GLIS3: variants seen among roughly 807,000 people sequenced by gnomAD.
The protein encoded by GLIS3 is GLIS family zinc finger 3, also known as zinc finger protein GLIS3.
Under a neutral mutation model 78.6 loss-of-function variants are expected in GLIS3, and 53 were observed. The observed-to-expected ratio is 0.67, with a 90% CI of 0.54 to 0.85. The LOEUF (loss-of-function observed/expected upper bound fraction) is 0.85. Ranked by LOEUF, GLIS3 falls within the 40% of genes least tolerant of loss-of-function variation. The pLI is 0.00. For missense variants in GLIS3, 1,703 were observed against 1,231.1 expected, an observed-to-expected ratio of 1.38 and a Z score of -5.74; for synonymous variants, 684 against 509.9, an observed-to-expected ratio of 1.34 and a Z score of -4.60.
chr9:4,466,721 C>T, the GLIS3 span, among the ~76,000 whole-genome samples: 9 of 152,236 alleles, frequency 5.9e-5, no homozygotes, highest in East Asian at 3.9e-4. Context: ...GCGTGAGCGA[C>T]GCAGAAGATG....
At chr9:4,390,893 G>A in the GLIS3 span, among the ~76,000 whole-genome samples, 5 of 152,306 alleles carry the variant, frequency 3.3e-5, no homozygotes, top group South Asian at 1.0e-3. Context: ...AACAGGAATC[G>A]TACCTTTTTA....
chr9:4,405,258 G>A, the GLIS3 span, among the ~76,000 whole-genome samples: 1 of 152,040 alleles, frequency 6.6e-6, no homozygotes, highest in Non-Finnish European at 1.5e-5. Context: ...GGAGGCTGAG[G>A]CAGGAGAATC....
rs1393251745 is a variant in GLIS3, at chr9:3,879,612, A to G, written c.2129-17T>C. The G allele has an allele frequency of 1.2e-6, 2 of 1,613,788 alleles. No individual in the cohort carries two copies. The highest frequency in any genetic ancestry group is 2.2e-5 in the South Asian group (2 of 91,044). Reference sequence around the variant, plus strand: ...AAATGGGAGCTGAAATCAAGGGAGAACAAACATGAGACCGTGCCCCAAAGG... The same window carrying G: ...AAATGGGAGCTGAAATCAAGGGAGAGCAAACATGAGACCGTGCCCCAAAGG... On this transcript the variant is annotated splice_polypyrimidine_tract_variant and intron_variant, in intron 7 of 10. Coordinates refer to ENST00000381971, the MANE Select transcript of GLIS3 (RefSeq NM_001042413.2).
At chr9:3,905,520 T>G (rs955010151) in intron 6 of GLIS3, among the ~76,000 whole-genome samples, 2 of 152,118 alleles carry the variant, frequency 1.3e-5, no homozygotes, top group Non-Finnish European at 2.9e-5. Flanking sequence ...CCCTGCAGGT[T>G]TGTCACTTGG....
At chr9:3,999,177 T>A (rs977657260) in intron 4 of GLIS3, among the ~76,000 whole-genome samples, 1 of 152,162 alleles carries the variant, frequency 6.6e-6, no homozygotes, top group African/African-American at 2.4e-5. Context: ...ATTGAACCAA[T>A]CTCTATAGTC....
intron 2 of GLIS3, among the ~76,000 whole-genome samples, chr9:4,259,661 A>G (rs1825325082): frequency 6.6e-6 from 1 of 152,194 alleles, no homozygotes; most frequent in South Asian, 2.1e-4. Context: ...AGTAACCCAA[A>G]TAACACAAGA....
At chr9:3,907,482 G>GC (rs756547135) in intron 6 of GLIS3, among the ~76,000 whole-genome samples, 3 of 152,052 alleles carry the variant, frequency 2.0e-5, no homozygotes, top group African/African-American at 7.2e-5. Flanking sequence ...AACTACTGAT[G>GC]CCCCACCCAG....
chr9:4,161,796 C>A (rs1225355289), intron 2 of GLIS3, among the ~76,000 whole-genome samples: 1 of 150,852 alleles, frequency 6.6e-6, no homozygotes, highest in East Asian at 1.9e-4. Context: ...CCTCCCCACT[C>A]AGCCTCTCAA....
At chr9:4,213,229 T>G (rs976114213) in intron 2 of GLIS3, among the ~76,000 whole-genome samples, 11 of 152,274 alleles carry the variant, frequency 7.2e-5, no homozygotes, top group African/African-American at 2.6e-4. Flanking sequence ...TTGTCTCCCT[T>G]AGCCTGTCGA....
intron 6 of GLIS3, among the ~76,000 whole-genome samples, chr9:3,923,896 G>C (rs755498972): frequency 1.3e-5 from 2 of 152,294 alleles, no homozygotes; most frequent in South Asian, 2.1e-4. Flanking sequence ...CCACCACTTT[G>C]GGAGGCCAAG....
chr9:3,907,646 A>C (rs1024122004), intron 6 of GLIS3, among the ~76,000 whole-genome samples: 5 of 145,636 alleles, frequency 3.4e-5, no homozygotes, highest in Non-Finnish European at 7.7e-5. Flanking sequence ...ACACACACAC[A>C]CACACACACT....
At chr9:3,935,268 A>T (rs1305292229) in intron 5 of GLIS3, among the ~76,000 whole-genome samples, 1 of 152,182 alleles carries the variant, frequency 6.6e-6, no homozygotes, top group Non-Finnish European at 1.5e-5. Context: ...TGCAGTAAAA[A>T]ATTTAAACAG....
intron 2 of GLIS3, among the ~76,000 whole-genome samples, chr9:4,209,667 A>G (rs1820212713): frequency 1.3e-5 from 2 of 152,246 alleles, no homozygotes; most frequent in Admixed American, 1.3e-4. Flanking sequence ...TAGAATTCCT[A>G]TCATGTTCCT....
chr9:4,005,451 T>C (rs1254496742), intron 4 of GLIS3, among the ~76,000 whole-genome samples: 1 of 152,196 alleles, frequency 6.6e-6, no homozygotes, highest in African/African-American at 2.4e-5. Flanking sequence ...GAGTAGCACA[T>C]AGCTAAGAAC....
At chr9:4,193,863 T>C (rs1235709138) in intron 2 of GLIS3, among the ~76,000 whole-genome samples, 1 of 152,190 alleles carries the variant, frequency 6.6e-6, no homozygotes, top group Non-Finnish European at 1.5e-5. Flanking sequence ...TCACTTTTCA[T>C]GTGCCAAATA....
chr9:4,147,226 C>T (rs1025688355), intron 2 of GLIS3: 3 of 152,186 alleles, frequency 2.0e-5, no homozygotes, highest in African/African-American at 7.2e-5. Context: ...TCTTCCTTCA[C>T]GTACCTCCAT....
intron 2 of GLIS3, among the ~76,000 whole-genome samples, chr9:4,335,681 A>G (rs1009941948): frequency 3.3e-5 from 5 of 152,148 alleles, no homozygotes; most frequent in Non-Finnish European, 7.4e-5. Flanking sequence ...TTAGGGTTTT[A>G]GTTTAAACCT....
chr9:4,257,318 T>C (rs1272011456), intron 2 of GLIS3, among the ~76,000 whole-genome samples: 2 of 151,464 alleles, frequency 1.3e-5, no homozygotes, highest in South Asian at 4.2e-4. Flanking sequence ...AAGCAGAGAG[T>C]AGATGAGTGG....
At chr9:3,960,966 T>G (rs141521191) in intron 4 of GLIS3, among the ~76,000 whole-genome samples, 217 of 152,326 alleles carry the variant, frequency 1.4e-3, no homozygotes, top group African/African-American at 5.1e-3. Flanking sequence ...CTGAATGGTG[T>G]AATTGGCCTG....
Sources: allele counts gnomAD v4.1 joint callset (sites outside exome capture counted in the v4.1 genomes callset), GRCh38; gene constraint gnomAD v4.1.1; transcripts MANE v1.5; gene names NCBI Gene and HGNC (gene_info 2026-07-23, HGNC 2026-07-21).